Variants in DCC observed in about 807,000 individuals in gnomAD.
DCC encodes netrin receptor DCC.
In DCC, 58 loss-of-function variants were observed where a neutral mutation model predicts 172.5. That is an observed-to-expected ratio of 0.34 (90% CI 0.27 to 0.42). DCC has a LOEUF of 0.42. DCC is among the 10% of genes least tolerant of loss of function. DCC has a pLI of 1.00. For synonymous variants in DCC, 709 were observed against 644.5 expected (o/e 1.10, Z -1.52); for missense variants, 1,740 against 1,791.0 (o/e 0.97, Z 0.51).
chr18:53,300,994 T>TTCTTTCTTTCTTTTC lies in DCC; in HGVS notation c.1912-4583_1912-4582insCTTTCTTTCTTTTCT, dbSNP rs1555649245. Among the ~76,000 whole-genome samples, 63 of 134,708 alleles carry TTCTTTCTTTCTTTTC rather than the reference T, an allele frequency of 4.7e-4. 3 individuals are homozygous for TTCTTTCTTTCTTTTC. The highest frequency in any genetic ancestry group is 1.7e-3 in the African/African-American group (61 of 34,884). 88.4% of individuals were successfully genotyped at this position (134,708 alleles called of 152,430 possible). A position where few individuals can be genotyped will look rare whatever the true frequency, so the allele number is the denominator to read the frequency against. ...CTTTCTTTCTTTCTTTCTTTCTTTT[T>TTCTTTCTTTCTTTTC]TTTTCTTTTCTTTCTTTTCACTCTT... On this transcript the variant is annotated intron_variant, in intron 12 of 28. Coordinates refer to ENST00000442544, the MANE Select transcript of DCC (RefSeq NM_005215.4).
chr18:52,475,111 G>A (rs1989057023), intron 1 of DCC, among the ~76,000 whole-genome samples: 1 of 152,114 alleles, frequency 6.6e-6, no homozygotes, highest in African/African-American at 2.4e-5. Flanking sequence ...TCTAATCATT[G>A]AAATTCTGAG....
chr18:52,784,427 C>A (rs753019256), intron 2 of DCC, among the ~76,000 whole-genome samples: 7 of 152,012 alleles, frequency 4.6e-5, no homozygotes, highest in Non-Finnish European at 1.0e-4. Context: ...TGGATAAATA[C>A]CTAGTGGTGG....
chr18:52,418,284 CTTCTCCATTTT>C (rs1987117185), intron 1 of DCC, among the ~76,000 whole-genome samples: 1 of 152,114 alleles, frequency 6.6e-6, no homozygotes, highest in Non-Finnish European at 1.5e-5. Flanking sequence ...GAATGTAGCT[CTTCTCCATTTT>C]TACCTAGTAA....
chr18:52,431,771 T>G (rs995282123), intron 1 of DCC, among the ~76,000 whole-genome samples: 2 of 152,104 alleles, frequency 1.3e-5, no homozygotes, highest in African/African-American at 2.4e-5. Flanking sequence ...CGAGGCATAA[T>G]CACCACTTAT....
In DCC at chr18:53,284,131, C is replaced by T. The variant is rs571741139; in HGVS notation, c.1912-21447C>T. Among the ~76,000 whole-genome samples, 7 of 152,274 alleles carry T rather than the reference C, an allele frequency of 4.6e-5. No individual in the cohort carries two copies. In the South Asian group the frequency reaches 1.2e-3, roughly 27 times the overall value. On this transcript the variant is annotated intron_variant, in intron 12 of 28. Transcript: ENST00000442544. ...TAACCCCTACCTGCATCTCCTCAAA[C>T]CCTCTGAAAGAATACCCTGTACAGG...
intron 21 of DCC, among the ~76,000 whole-genome samples, chr18:53,433,025 G>A (rs188129762): frequency 7.0e-4 from 107 of 152,096 alleles, no homozygotes; most frequent in African/African-American, 2.3e-3. Context: ...TGTTGGACTT[G>A]TTGAGAATTA....
intron 7 of DCC, among the ~76,000 whole-genome samples, chr18:53,103,428 G>A (rs931040446): frequency 3.3e-5 from 5 of 152,036 alleles, no homozygotes; most frequent in African/African-American, 9.7e-5. Context: ...CTGGAGTTCA[G>A]TGGCATGATC....
intron 2 of DCC, among the ~76,000 whole-genome samples, chr18:52,882,580 C>G (rs1395144397): frequency 6.6e-6 from 1 of 151,682 alleles, no homozygotes; most frequent in East Asian, 1.9e-4. Flanking sequence ...TCCAAAATGC[C>G]TCTGGTTATT....
At chr18:52,594,742 A>T (rs544090966) in intron 1 of DCC, among the ~76,000 whole-genome samples, 1 of 152,244 alleles carries the variant, frequency 6.6e-6, no homozygotes, top group South Asian at 2.1e-4. Flanking sequence ...GGCACATCAC[A>T]TGGCAAAAAC....
chr18:53,316,530 T>A (rs1006870579), intron 13 of DCC, among the ~76,000 whole-genome samples: 6 of 152,044 alleles, frequency 3.9e-5, no homozygotes, highest in Non-Finnish European at 7.4e-5. Context: ...TAGCATTGAA[T>A]CTATAAATTA....
intron 7 of DCC, among the ~76,000 whole-genome samples, chr18:53,137,454 A>T (rs2043761391): frequency 6.6e-6 from 1 of 152,228 alleles, no homozygotes; most frequent in African/African-American, 2.4e-5. Flanking sequence ...ATGAAAGCTC[A>T]CTTCTTTGGG....
At chr18:52,598,763 A>G (rs1009844937) in intron 1 of DCC, among the ~76,000 whole-genome samples, 21 of 152,196 alleles carry the variant, frequency 1.4e-4, no homozygotes, top group African/African-American at 5.1e-4. Flanking sequence ...TTTATGAAGA[A>G]CAGAAATTTA....
chr18:53,009,570 T>A (rs1037485902), intron 5 of DCC, among the ~76,000 whole-genome samples: 2 of 151,922 alleles, frequency 1.3e-5, no homozygotes, highest in African/African-American at 4.8e-5. Context: ...GGTGACTTTT[T>A]TTTTAGGCCA....
intron 1 of DCC, among the ~76,000 whole-genome samples, chr18:52,364,488 T>G (rs746840159): frequency 2.0e-5 from 3 of 152,212 alleles, no homozygotes; most frequent in Non-Finnish European, 4.4e-5. Flanking sequence ...CCATCTATTA[T>G]GAATGCAATT....
At chr18:52,742,612 G>A (rs1306891948) in intron 1 of DCC, among the ~76,000 whole-genome samples, 2 of 152,142 alleles carry the variant, frequency 1.3e-5, no homozygotes, top group Non-Finnish European at 2.9e-5. Context: ...ATATTACAAA[G>A]TTTATGGTTT....
intron 5 of DCC, among the ~76,000 whole-genome samples, chr18:53,051,864 T>C (rs1251760250): frequency 2.6e-5 from 4 of 152,154 alleles, no homozygotes; most frequent in Admixed American, 2.6e-4. Flanking sequence ...AAACACAGTC[T>C]TTCAATCTGA....
intron 5 of DCC, among the ~76,000 whole-genome samples, chr18:52,977,395 A>G (rs954243418): frequency 1.3e-5 from 2 of 152,158 alleles, no homozygotes; most frequent in Non-Finnish European, 2.9e-5. Flanking sequence ...ATTTAAAAAG[A>G]TCCCAGGGTG....
chr18:53,408,035 A>T (rs779802973), intron 19 of DCC, among the ~76,000 whole-genome samples: 1 of 152,208 alleles, frequency 6.6e-6, no homozygotes, highest in African/African-American at 2.4e-5. Context: ...GAAGCTCTCA[A>T]CATCTCAAGA....
chr18:52,340,409 A>G lies in DCC; in HGVS notation c.-379A>G, dbSNP rs1983570864. Reference sequence around the variant, plus strand: ...CAGCCCGGCCACAGGATTGCCTTCCATCTCCTCTTGGTCCCTCCTGGATGT... The same window carrying G: ...CAGCCCGGCCACAGGATTGCCTTCCGTCTCCTCTTGGTCCCTCCTGGATGT... On this transcript the variant is annotated 5_prime_UTR_variant, in exon 1 of 29. Transcript: ENST00000442544. The G allele has an allele frequency of 1.0e-5, 3 of 292,990 alleles. No homozygotes were observed. Among genetic ancestry groups the G allele is most frequent in the Middle Eastern group, 1.2e-3 (1 of 844 alleles). The allele number at this position is 292,990 out of a possible 1,614,324, so 18.1% of individuals were successfully genotyped here.
Sources: gnomAD v4.1 joint callset for allele counts (sites outside exome capture counted in the v4.1 genomes callset) on GRCh38, gnomAD v4.1.1 for gene constraint, MANE v1.5 for transcripts, NCBI Gene and HGNC (gene_info 2026-07-23, HGNC 2026-07-21) for gene names.